SCHIP1: variants seen among roughly 807,000 people sequenced by gnomAD.
The protein encoded by SCHIP1 is schwannomin-interacting protein 1.
In SCHIP1, 8 loss-of-function variants were observed where a neutral mutation model predicts 29.7. That is an observed-to-expected ratio of 0.27 (90% CI 0.16 to 0.49). The LOEUF (loss-of-function observed/expected upper bound fraction) is 0.49, where lower values mean the gene tolerates loss of function less well. Among genes scored for constraint, SCHIP1 ranks in the 20% least tolerant of loss-of-function variants. The pLI is 0.99. For missense variants in SCHIP1, 193 were observed against 294.6 expected (o/e 0.66, Z 2.52); for synonymous variants, 76 against 94.9 (o/e 0.80, Z 1.16).
At chr3:159,718,254 G>T in the SCHIP1 span, among the ~76,000 whole-genome samples, 1 of 152,138 alleles carries the variant, frequency 6.6e-6, no homozygotes, top group African/African-American at 2.4e-5. Flanking sequence ...AGCTATTTAT[G>T]ACAAATCCAC....
chr3:159,496,552 G>A, the SCHIP1 span, among the ~76,000 whole-genome samples: 2 of 152,154 alleles, frequency 1.3e-5, no homozygotes, highest in East Asian at 3.8e-4. Flanking sequence ...AAACCACAAT[G>A]AGATACCATC....
the SCHIP1 span, among the ~76,000 whole-genome samples, chr3:159,656,274 C>G: frequency 6.6e-6 from 1 of 152,198 alleles, no homozygotes; most frequent in Non-Finnish European, 1.5e-5. Context: ...CATTCTCTCT[C>G]TCTTACAGAT....
At chr3:159,855,214 A>C (rs1470166918) in intron 1 of SCHIP1, among the ~76,000 whole-genome samples, 1 of 152,184 alleles carries the variant, frequency 6.6e-6, no homozygotes, top group African/African-American at 2.4e-5. Context: ...AGTGTTTTCA[A>C]ATGTTTATGT....
chr3:159,333,411 CATT>C, the SCHIP1 span, among the ~76,000 whole-genome samples: 1 of 152,122 alleles, frequency 6.6e-6, no homozygotes, highest in Non-Finnish European at 1.5e-5. Flanking sequence ...TTATTATTCA[CATT>C]ATTATAAGAA....
chr3:159,284,910 G>C, the SCHIP1 span, among the ~76,000 whole-genome samples: 3 of 152,170 alleles, frequency 2.0e-5, no homozygotes, highest in Admixed American at 1.3e-4. Context: ...TTTTGAATTT[G>C]TTCTAATTCA....
the SCHIP1 span, among the ~76,000 whole-genome samples, chr3:159,553,333 T>C: frequency 6.6e-6 from 1 of 151,060 alleles, no homozygotes; most frequent in African/African-American, 2.4e-5. Context: ...GAGAGAAAAG[T>C]GTTATTTTTA....
At chr3:159,455,123 A>G in the SCHIP1 span, among the ~76,000 whole-genome samples, 1 of 152,208 alleles carries the variant, frequency 6.6e-6, no homozygotes, top group Admixed American at 6.5e-5. Flanking sequence ...TTTCCCAGCT[A>G]CCAGGAGATA....
chr3:159,684,587 C>A, the SCHIP1 span, among the ~76,000 whole-genome samples: 1 of 151,900 alleles, frequency 6.6e-6, no homozygotes, highest in Admixed American at 6.6e-5. Context: ...GGGTGGATCA[C>A]GAGGTCAGGA....
chr3:159,473,396 G>A, the SCHIP1 span, among the ~76,000 whole-genome samples: 9 of 152,042 alleles, frequency 5.9e-5, no homozygotes, highest in African/African-American at 1.9e-4. Flanking sequence ...AGCAATTCCT[G>A]TAATAAAAGT....
the SCHIP1 span, among the ~76,000 whole-genome samples, chr3:159,287,693 G>A: frequency 6.6e-6 from 1 of 152,036 alleles, no homozygotes; most frequent in African/African-American, 2.4e-5. Flanking sequence ...CCTATAAAAT[G>A]GGAACTGTAA....
At chr3:159,615,724 G>T in the SCHIP1 span, among the ~76,000 whole-genome samples, 1 of 152,212 alleles carries the variant, frequency 6.6e-6, no homozygotes, top group African/African-American at 2.4e-5. Flanking sequence ...TGTGGGAGAT[G>T]CAGAAACGAT....
chr3:159,357,145 A>G, the SCHIP1 span, among the ~76,000 whole-genome samples: 1 of 152,172 alleles, frequency 6.6e-6, no homozygotes, highest in Non-Finnish European at 1.5e-5. Context: ...CAGCATGGAG[A>G]GATAGCTTTC....
chr3:159,741,203 A>C, the SCHIP1 span, among the ~76,000 whole-genome samples: 1 of 152,238 alleles, frequency 6.6e-6, no homozygotes, highest in Non-Finnish European at 1.5e-5. Flanking sequence ...ATAAAAATAG[A>C]GAAGAATGAG....
the SCHIP1 span, among the ~76,000 whole-genome samples, chr3:159,374,681 A>T: frequency 1.3e-5 from 2 of 152,110 alleles, no homozygotes; most frequent in African/African-American, 4.8e-5. Flanking sequence ...CAACCTTATG[A>T]CTCTATTACT....
At chr3:159,457,392 TTC>T in the SCHIP1 span, among the ~76,000 whole-genome samples, 2 of 142,090 alleles carry the variant, frequency 1.4e-5, no homozygotes, top group Non-Finnish European at 3.0e-5. Context: ...CTTGTGCTGT[TTC>T]TGTTTTTTTT....
At chr3:159,395,426 G>A in the SCHIP1 span, among the ~76,000 whole-genome samples, 1 of 151,638 alleles carries the variant, frequency 6.6e-6, no homozygotes, top group African/African-American at 2.4e-5. Flanking sequence ...TGTCAATTTT[G>A]GATCTTTCCT....
the SCHIP1 span, among the ~76,000 whole-genome samples, chr3:159,432,325 TGTGTGTGTGTGTGTGAGA>T: frequency 7.9e-4 from 81 of 102,284 alleles, no homozygotes; most frequent in Non-Finnish European, 1.3e-3. Context: ...TGTGTGTGTG[TGTGTGTGTGTGTGTGAGA>T]GAGAGAGAGA....
At chr3:159,641,021 A>G in the SCHIP1 span, among the ~76,000 whole-genome samples, 1 of 152,168 alleles carries the variant, frequency 6.6e-6, no homozygotes, top group South Asian at 2.1e-4. Context: ...TTTAATATCT[A>G]TGTGAGCTGG....
chr3:159,694,879 T>G, the SCHIP1 span, among the ~76,000 whole-genome samples: 1 of 152,222 alleles, frequency 6.6e-6, no homozygotes, highest in Non-Finnish European at 1.5e-5. Flanking sequence ...ATAAATTGGT[T>G]GATTGGGCTC....
Sources: allele counts gnomAD v4.1 joint callset (sites outside exome capture counted in the v4.1 genomes callset), GRCh38; gene constraint gnomAD v4.1.1; transcripts MANE v1.5; gene names NCBI Gene and HGNC (gene_info 2026-07-23, HGNC 2026-07-21).